The following DMRT1 variants were observed in gnomAD, a reference collection of about 807,000 sequenced individuals.
DMRT1 encodes the protein doublesex- and mab-3-related transcription factor 1.
DMRT1 carries 7 observed loss-of-function variants against 32.3 expected under a neutral mutation model. The observed-to-expected ratio is 0.22, with a 90% CI of 0.12 to 0.41. DMRT1 has a LOEUF of 0.41. Ranked by LOEUF, DMRT1 falls within the 10% of genes least tolerant of loss-of-function variation. The pLI is 1.00. For synonymous variants in DMRT1, 278 were observed against 206.1 expected (o/e 1.35, Z -2.99); for missense variants, 625 against 500.5 (o/e 1.25, Z -2.37).
chr9:852,832 G>A (rs1259961299), intron 2 of DMRT1, among the ~76,000 whole-genome samples: 1 of 152,216 alleles, frequency 6.6e-6, no homozygotes, highest in Non-Finnish European at 1.5e-5. Context: ...AGAAGGATCA[G>A]TCAGGTCTGT....
intron 4 of DMRT1, among the ~76,000 whole-genome samples, chr9:930,741 G>T (rs1399167925): frequency 1.3e-5 from 2 of 151,280 alleles, no homozygotes; most frequent in East Asian, 3.9e-4. Context: ...ACAGGTTCTT[G>T]CTATGTTGTC....
chr9:933,266 C>T (rs1201277030), intron 4 of DMRT1, among the ~76,000 whole-genome samples: 1 of 152,138 alleles, frequency 6.6e-6, no homozygotes, highest in Non-Finnish European at 1.5e-5. Context: ...GGCGACCAGC[C>T]CCCATCCTGA....
intron 4 of DMRT1, among the ~76,000 whole-genome samples, chr9:922,956 T>C (rs1034624813): frequency 1.3e-5 from 2 of 152,162 alleles, no homozygotes; most frequent in African/African-American, 4.8e-5. Context: ...TCCTCTGTGA[T>C]GTGTAAGCAG....
intron 2 of DMRT1, among the ~76,000 whole-genome samples, chr9:852,090 C>T (rs186513567): frequency 3.6e-4 from 54 of 151,990 alleles, no homozygotes; most frequent in African/African-American, 1.2e-3. Context: ...CAGGCGATCA[C>T]CACCACCCGT....
At chr9:843,454 A>C (rs10976974) in intron 1 of DMRT1, among the ~76,000 whole-genome samples, 103,100 of 152,176 alleles carry the variant, frequency 0.68, 36,532 homozygotes, top group Non-Finnish European at 0.79. Context: ...TACTTTGAAG[A>C]TGTTTTAAAG....
intron 2 of DMRT1, among the ~76,000 whole-genome samples, chr9:866,823 C>T (rs1023413373): frequency 3.9e-5 from 6 of 152,152 alleles, no homozygotes; most frequent in Admixed American, 1.3e-4. Flanking sequence ...CCTTATCACC[C>T]TCTCCCTCAA....
intron 4 of DMRT1, among the ~76,000 whole-genome samples, chr9:943,439 G>T (rs2129919978): frequency 6.6e-6 from 1 of 152,302 alleles, no homozygotes; most frequent in Middle Eastern, 3.4e-3. Flanking sequence ...GCATTGGCTG[G>T]AGAATGAGAG....
chr9:926,982 C>G (rs1442089003), intron 4 of DMRT1, among the ~76,000 whole-genome samples: 1 of 152,206 alleles, frequency 6.6e-6, no homozygotes, highest in Non-Finnish European at 1.5e-5. Flanking sequence ...TGACGTCTGT[C>G]TGTTGGGCCC....
chr9:961,189 C>T (rs577372766), intron 4 of DMRT1, among the ~76,000 whole-genome samples: 20 of 152,270 alleles, frequency 1.3e-4, no homozygotes, highest in Admixed American at 6.5e-4. Flanking sequence ...GGGACAGTTT[C>T]TGGAATGCCT....
intron 4 of DMRT1, among the ~76,000 whole-genome samples, chr9:940,887 A>G (rs1214266367): frequency 1.3e-5 from 2 of 152,242 alleles, no homozygotes; most frequent in African/African-American, 4.8e-5. Context: ...GGACTTGAAC[A>G]GACATTTCTC....
rs574026328 is a variant in DMRT1 at position 886,209 on chromosome 9, A to G, written c.539-7703A>G. On this transcript the variant is annotated intron_variant, in intron 2 of 4. Transcript: ENST00000382276. ...ACTCAGATCAAGGGACTTGATAAAC[A>G]TTGGTGCATTCAGCTCAGGTTCATG... 9.8e-5 allele frequency among the ~76,000 whole-genome samples: 15 copies of G among 152,306 alleles called. No homozygotes were observed. The South Asian group carries it at 2.7e-3, about 27-fold the overall frequency.
At chr9:866,691 C>T (rs956358358) in intron 2 of DMRT1, among the ~76,000 whole-genome samples, 3 of 152,296 alleles carry the variant, frequency 2.0e-5, no homozygotes, top group African/African-American at 4.8e-5. Flanking sequence ...TGTATGTACA[C>T]GGTGCATAAT....
intron 4 of DMRT1, among the ~76,000 whole-genome samples, chr9:925,789 T>C (rs1183364019): frequency 6.6e-6 from 1 of 152,188 alleles, no homozygotes; most frequent in Non-Finnish European, 1.5e-5. Context: ...CAGATGAGGA[T>C]ATTGAAGCAT....
chr9:938,458 AT>A (rs1263155907), intron 4 of DMRT1, among the ~76,000 whole-genome samples: 8 of 152,132 alleles, frequency 5.3e-5, no homozygotes, highest in African/African-American at 1.9e-4. Context: ...TTCTTTAAGC[AT>A]TTTTAATAGT....
Position 965,818 on chromosome 9 carries a change from G to A in DMRT1, c.968-2167G>A, listed in dbSNP as rs1230784983. ...GGTGCAGGGGCCAGAGCACGCCAGA[G>A]TCAGCCTAATCAGTACAGTGCTGCC... On this transcript the variant is annotated intron_variant, in intron 4 of 4. Coordinates refer to ENST00000382276, the MANE Select transcript of DMRT1 (RefSeq NM_021951.3). This position sits in a 1 kb window ranked among gnomAD's most constrained non-coding sequence, Gnocchi z 4.5. 6.6e-6 allele frequency among the ~76,000 whole-genome samples: 1 copy of A among 152,236 alleles called. No homozygotes were observed. Among genetic ancestry groups the A allele is most frequent in the African/African-American group, 2.4e-5 (1 of 41,456 alleles).
chr9:885,410 G>C (rs571452972), intron 2 of DMRT1, among the ~76,000 whole-genome samples: 1 of 152,156 alleles, frequency 6.6e-6, no homozygotes, highest in South Asian at 2.1e-4. Context: ...TCAGCAGATA[G>C]GGGAGTCAGA....
At chr9:862,449 CA>C (rs1464820643) in intron 2 of DMRT1, among the ~76,000 whole-genome samples, 8 of 146,890 alleles carry the variant, frequency 5.4e-5, no homozygotes, top group Admixed American at 2.2e-4. Context: ...GAGATGGCGG[CA>C]GCACAGTCCA....
chr9:955,606 T>C (rs1236284847), intron 4 of DMRT1, among the ~76,000 whole-genome samples: 1 of 152,070 alleles, frequency 6.6e-6, no homozygotes, highest in African/African-American at 2.4e-5. Flanking sequence ...CTGGGGAGGC[T>C]GAGGTGGGAG....
intron 1 of DMRT1, among the ~76,000 whole-genome samples, chr9:844,719 C>CTTTTTT (rs35980858): frequency 8.6e-6 from 1 of 116,890 alleles, no homozygotes; most frequent in African/African-American, 3.4e-5. Flanking sequence ...TTCTTTCTTT[C>CTTTTTT]TTTTTTTTTT....
Sources: gnomAD v4.1 joint callset for allele counts (sites outside exome capture counted in the v4.1 genomes callset) on GRCh38, gnomAD v4.1.1 for gene constraint, Gnocchi (gnomAD v3.1) non-coding constraint, MANE v1.5 for transcripts, NCBI Gene and HGNC (gene_info 2026-07-23, HGNC 2026-07-21) for gene names.